The following CRADD variants were observed in gnomAD, a reference collection of about 807,000 sequenced individuals.
The protein encoded by CRADD is death domain-containing protein CRADD.
In CRADD, 9 loss-of-function variants were observed where a neutral mutation model predicts 15.5. The ratio of observed to expected loss-of-function variants is 0.58; its 90% CI spans 0.35 to 1.01. CRADD has a LOEUF of 1.01. Among genes scored for constraint, CRADD ranks in the 50% least tolerant of loss-of-function variants. The probability of loss-of-function intolerance (pLI) is 0.02; values close to 1 mark genes in which losing one functional copy is unlikely to be tolerated. For missense variants in CRADD, 227 were observed against 250.3 expected, an observed-to-expected ratio of 0.91 and a Z score of 0.63; for synonymous variants, 118 against 107.6, an observed-to-expected ratio of 1.10 and a Z score of -0.60.
intron 2 of CRADD, among the ~76,000 whole-genome samples, chr12:93,736,184 C>T (rs1956565391): frequency 1.3e-5 from 2 of 152,092 alleles, no homozygotes; most frequent in South Asian, 4.2e-4. Flanking sequence ...ACATATAAAT[C>T]ATTAAAAAAG....
At chr12:93,742,904 T>C (rs1431166779) in intron 2 of CRADD, among the ~76,000 whole-genome samples, 1 of 152,164 alleles carries the variant, frequency 6.6e-6, no homozygotes, top group East Asian at 1.9e-4. Context: ...GGGGTCAGGC[T>C]GCCCTCCCAT....
intron 2 of CRADD, among the ~76,000 whole-genome samples, chr12:93,783,817 A>G (rs748158114): frequency 3.9e-5 from 6 of 152,350 alleles, no homozygotes; most frequent in East Asian, 1.9e-4. Flanking sequence ...CAAATGAACA[A>G]GTGAAATTCT....
chr12:93,734,756 C>T (rs1047711611), intron 2 of CRADD, among the ~76,000 whole-genome samples: 1 of 152,176 alleles, frequency 6.6e-6, no homozygotes, highest in Non-Finnish European at 1.5e-5. Context: ...GTATTGTGTT[C>T]TTTCCAGCTT....
intron 2 of CRADD, among the ~76,000 whole-genome samples, chr12:93,823,257 A>G (rs1424874772): frequency 1.3e-5 from 2 of 151,458 alleles, no homozygotes; most frequent in African/African-American, 4.9e-5. Flanking sequence ...GTGCCAGTGC[A>G]TTGCAGCCTA....
At chr12:93,879,956 A>G (rs947208134) in intron 2 of CRADD, among the ~76,000 whole-genome samples, 1 of 152,226 alleles carries the variant, frequency 6.6e-6, no homozygotes, top group Non-Finnish European at 1.5e-5. Context: ...CAGTAATATC[A>G]AACACCTACT....
chr12:93,850,426 C>T lies in CRADD; in HGVS notation c.*155C>T. 1 of 1,365,700 alleles carries T rather than the reference C, an allele frequency of 7.3e-7. No individual in the cohort carries two copies. The allele number at this position is 1,365,700 out of a possible 1,614,324, so 84.6% of individuals were successfully genotyped here. A position where few individuals can be genotyped will look rare whatever the true frequency, so the allele number is the denominator to read the frequency against. ...AAAACAGGGTTTCCACTAGACATTA[C>T]TTGAAAGGCCAGATTACTCAGCAGA... is the stretch of plus-strand genomic sequence containing the variant. On this transcript the variant is annotated 3_prime_UTR_variant, in exon 3 of 3. Coordinates refer to ENST00000332896, the MANE Select transcript of CRADD (RefSeq NM_003805.5). This position sits in a 1 kb window ranked among gnomAD's most constrained non-coding sequence, Gnocchi z 4.0.
chr12:93,773,397 C>A (rs528834994), intron 2 of CRADD, among the ~76,000 whole-genome samples: 1 of 152,058 alleles, frequency 6.6e-6, no homozygotes, highest in Non-Finnish European at 1.5e-5. Flanking sequence ...GGGGAGTTTC[C>A]CTGCACAAGC....
intron 2 of CRADD, chr12:93,714,526 A>C (rs545829284): frequency 1.7e-4 from 26 of 152,372 alleles, no homozygotes; most frequent in African/African-American, 6.3e-4. Context: ...ACAAACAAAC[A>C]AACCAAAGTG....
chr12:93,814,579 A>G (rs1259134144), intron 2 of CRADD, among the ~76,000 whole-genome samples: 1 of 152,222 alleles, frequency 6.6e-6, no homozygotes, highest in Non-Finnish European at 1.5e-5. Flanking sequence ...AAGTGTTGCA[A>G]CTAGCACAAC....
intron 2 of CRADD, among the ~76,000 whole-genome samples, chr12:93,727,641 G>A (rs1243627699): frequency 2.0e-5 from 3 of 152,190 alleles, no homozygotes; most frequent in African/African-American, 7.2e-5. Context: ...TTTTCCTGAA[G>A]TTATATGAGC....
At chr12:93,717,781 CA>C (rs1273382504) in intron 2 of CRADD, among the ~76,000 whole-genome samples, 2 of 152,182 alleles carry the variant, frequency 1.3e-5, no homozygotes, top group South Asian at 2.1e-4. Flanking sequence ...TTGGGCTCCC[CA>C]AGTGTTAGGA....
chr12:93,888,297 C>T (rs1352989533), intron 2 of CRADD, among the ~76,000 whole-genome samples: 2 of 151,688 alleles, frequency 1.3e-5, no homozygotes, highest in South Asian at 2.1e-4. Flanking sequence ...TGGTGGTGGG[C>T]GCTTGTAGTC....
At chr12:93,847,765 G>A (rs910613710) in intron 2 of CRADD, among the ~76,000 whole-genome samples, 4 of 152,196 alleles carry the variant, frequency 2.6e-5, no homozygotes, top group Admixed American at 2.6e-4. Context: ...AAAATCAAGT[G>A]TGAGGAAGTG....
chr12:93,789,688 G>A (rs184954293), intron 2 of CRADD, among the ~76,000 whole-genome samples: 4 of 149,012 alleles, frequency 2.7e-5, no homozygotes, highest in Non-Finnish European at 5.9e-5. Flanking sequence ...CTGTTTCATG[G>A]TTGGATACAT....
downstream of CRADD, among the ~76,000 whole-genome samples, chr12:93,852,506 C>T (rs1054670034): frequency 3.3e-5 from 5 of 152,264 alleles, no homozygotes; most frequent in African/African-American, 1.2e-4. Context: ...AGTGTCTTCA[C>T]CACCAAATGG....
At chr12:93,894,364 G>T (rs1958597865) in exon 3 of CRADD, 1 of 529,070 alleles carries the variant, frequency 1.9e-6, no homozygotes, top group African/African-American at 1.9e-5. Flanking sequence ...TAACAAAGAA[G>T]TATGTTGTCC....
At chr12:93,847,934 T>C (rs1958151602) in intron 2 of CRADD, among the ~76,000 whole-genome samples, 1 of 152,232 alleles carries the variant, frequency 6.6e-6, no homozygotes. Flanking sequence ...GTTTCACTTC[T>C]GCTTTTTCTT....
intron 2 of CRADD, among the ~76,000 whole-genome samples, chr12:93,726,094 G>GTTTTTTTTTTTTTTTTTTTTTTTTTTTT (rs1165429350): frequency 7.3e-5 from 7 of 96,010 alleles, no homozygotes; most frequent in Non-Finnish European, 8.1e-5. Flanking sequence ...AAATAGTTTA[G>GTTTTTTTTTTTTTTTTTTTTTTTTTTTT]TTTTTTTTTT....
intron 2 of CRADD, among the ~76,000 whole-genome samples, chr12:93,873,695 G>A (rs957911692): frequency 2.0e-5 from 3 of 151,872 alleles, no homozygotes; most frequent in Non-Finnish European, 2.9e-5. Context: ...TTCATTCTGT[G>A]GATATGATAT....
Sources: gnomAD v4.1 joint callset for allele counts (sites outside exome capture counted in the v4.1 genomes callset) on GRCh38, gnomAD v4.1.1 for gene constraint, Gnocchi (gnomAD v3.1) non-coding constraint, MANE v1.5 for transcripts, NCBI Gene and HGNC (gene_info 2026-07-23, HGNC 2026-07-21) for gene names.